SOX6: variants seen among roughly 807,000 people sequenced by gnomAD.
SOX6 encodes the protein SRY-box transcription factor 6.
In SOX6, 11 loss-of-function variants were observed where a neutral mutation model predicts 97.8. The observed-to-expected ratio is 0.11, with a 90% CI of 0.07 to 0.19. The LOEUF (loss-of-function observed/expected upper bound fraction) is 0.19. Ranked by LOEUF, SOX6 falls within the 10% of genes least tolerant of loss-of-function variation. The probability of loss-of-function intolerance (pLI) is 1.00; values close to 1 mark genes in which losing one functional copy is unlikely to be tolerated. For missense variants in SOX6, 810 were observed against 1,039.5 expected, an observed-to-expected ratio of 0.78 and a Z score of 3.04; for synonymous variants, 360 against 371.4, an observed-to-expected ratio of 0.97 and a Z score of 0.35.
At chr11:16,582,275 T>G (rs1848038699) in intron 4 of SOX6, among the ~76,000 whole-genome samples, 1 of 152,218 alleles carries the variant, frequency 6.6e-6, no homozygotes, top group Non-Finnish European at 1.5e-5. Context: ...TATCTTCATG[T>G]GTATCCCTTG....
chr11:16,598,778 G>T (rs913622214), intron 4 of SOX6, among the ~76,000 whole-genome samples: 4 of 151,968 alleles, frequency 2.6e-5, no homozygotes, highest in Non-Finnish European at 5.9e-5. Flanking sequence ...CAAAGAAATT[G>T]TGCTCGGTGA....
intron 1 of SOX6, among the ~76,000 whole-genome samples, chr11:16,387,932 G>T (rs548099267): frequency 6.6e-6 from 1 of 152,016 alleles, no homozygotes; most frequent in South Asian, 2.1e-4. Context: ...TATACTATTT[G>T]CTTTCTTGTC....
At chr11:16,462,648 C>T (rs1565153824) in intron 1 of SOX6, among the ~76,000 whole-genome samples, 1 of 152,166 alleles carries the variant, frequency 6.6e-6, no homozygotes, top group African/African-American at 2.4e-5. Context: ...AATTAATCAG[C>T]ACAACTGGGG....
chr11:16,377,098 A>T (rs1170936155), intron 1 of SOX6, among the ~76,000 whole-genome samples: 1 of 152,028 alleles, frequency 6.6e-6, no homozygotes, highest in East Asian at 1.9e-4. Context: ...CCCAACAAGG[A>T]GGATTTCAAT....
At chr11:16,024,830 A>C (rs925123299) in intron 12 of SOX6, among the ~76,000 whole-genome samples, 1 of 152,098 alleles carries the variant, frequency 6.6e-6, no homozygotes, top group Non-Finnish European at 1.5e-5. Flanking sequence ...TGGACCTTTC[A>C]AAAACATTCT....
At chr11:16,209,897 T>C (rs1192250822) in intron 4 of SOX6, among the ~76,000 whole-genome samples, 6 of 152,174 alleles carry the variant, frequency 3.9e-5, no homozygotes. Context: ...GGACAAATTA[T>C]TATTGCTTTT....
chr11:16,478,526 A>G (rs1038639775), upstream of SOX6, among the ~76,000 whole-genome samples: 4 of 152,260 alleles, frequency 2.6e-5, no homozygotes, highest in South Asian at 8.3e-4. Context: ...ATATCAGTCC[A>G]GTCGTGCTAC....
At chr11:16,481,434 C>T (rs1039690793) in intron 4 of SOX6, among the ~76,000 whole-genome samples, 1 of 152,078 alleles carries the variant, frequency 6.6e-6, no homozygotes, top group Middle Eastern at 3.4e-3. Context: ...ACTTAAGATG[C>T]TACCTAGTCC....
intron 9 of SOX6, among the ~76,000 whole-genome samples, chr11:16,067,530 G>A (rs1362351197): frequency 6.6e-6 from 1 of 152,070 alleles, no homozygotes; most frequent in Non-Finnish European, 1.5e-5. Flanking sequence ...CCAGCCATGT[G>A]GAACTCTGAG....
At chr11:16,036,563 T>G (rs1855525444) in intron 12 of SOX6, among the ~76,000 whole-genome samples, 1 of 152,198 alleles carries the variant, frequency 6.6e-6, no homozygotes, top group Non-Finnish European at 1.5e-5. Flanking sequence ...GAGTTATGAT[T>G]CTGTAAGAAT....
At chr11:16,361,835 T>C (rs1336435798) in intron 1 of SOX6, among the ~76,000 whole-genome samples, 2 of 152,220 alleles carry the variant, frequency 1.3e-5, no homozygotes, top group Admixed American at 1.3e-4. Context: ...ATGTAAGATA[T>C]ATCTTTACTT....
At chr11:16,722,903 T>C (rs1564877764) in intron 2 of SOX6, among the ~76,000 whole-genome samples, 1 of 152,134 alleles carries the variant, frequency 6.6e-6, no homozygotes, top group Non-Finnish European at 1.5e-5. Flanking sequence ...TCAACCATTG[T>C]GAAAAGCAGT....
intron 13 of SOX6, among the ~76,000 whole-genome samples, chr11:16,008,034 A>T (rs1226406411): frequency 6.6e-6 from 1 of 152,102 alleles, no homozygotes. Flanking sequence ...AAATCCTCAG[A>T]TGCCCAAGTC....
intron 1 of SOX6, among the ~76,000 whole-genome samples, chr11:16,451,473 A>C (rs1318452865): frequency 6.6e-6 from 1 of 152,056 alleles, no homozygotes; most frequent in Non-Finnish European, 1.5e-5. Flanking sequence ...ATGCTAGTAA[A>C]CACCACATAG....
chr11:16,006,357 A>C (rs1854555223), intron 13 of SOX6, among the ~76,000 whole-genome samples: 1 of 152,056 alleles, frequency 6.6e-6, no homozygotes, highest in Admixed American at 6.6e-5. Context: ...CAGCGTGGTA[A>C]TCAAGGCACT....
chr11:16,021,775 T>A (rs1855066615), intron 12 of SOX6, among the ~76,000 whole-genome samples: 1 of 152,150 alleles, frequency 6.6e-6, no homozygotes, highest in African/African-American at 2.4e-5. Context: ...GTTTTCCAAC[T>A]GTGTTTGCCA....
At chr11:16,473,857 A>AT (rs1421810298) in intron 1 of SOX6, among the ~76,000 whole-genome samples, 1 of 152,226 alleles carries the variant, frequency 6.6e-6, no homozygotes, top group East Asian at 1.9e-4. Flanking sequence ...TTTACAAAAT[A>AT]TTTTTCTGTT....
intron 7 of SOX6, among the ~76,000 whole-genome samples, chr11:16,105,739 T>G (rs1849062862): frequency 6.6e-6 from 1 of 152,094 alleles, no homozygotes; most frequent in African/African-American, 2.4e-5. Flanking sequence ...AAATAAAATG[T>G]ATCAAATTGG....
chr11:16,160,940 T>G lies in SOX6; in HGVS notation c.777+22946A>C, dbSNP rs529120421. Among the ~76,000 whole-genome samples the G allele has an allele frequency of 2.1e-4, 32 of 152,318 alleles. No individual in the cohort carries two copies. The South Asian group carries it at 6.2e-3, about 30-fold the overall frequency. On this transcript the variant is annotated intron_variant, in intron 6 of 15. Transcript: ENST00000683767. ...TTGATCCAAAACCGATGATACTAGT[T>G]AAATAACATGCAGCCACTTTAGTTC...
Sources: gnomAD v4.1 joint callset for allele counts (sites outside exome capture counted in the v4.1 genomes callset) on GRCh38, gnomAD v4.1.1 for gene constraint, MANE v1.5 for transcripts, NCBI Gene and HGNC (gene_info 2026-07-23, HGNC 2026-07-21) for gene names.